IP6K3: variants seen among roughly 807,000 people sequenced by gnomAD.
IP6K3 encodes the protein ATP:1D-myo-inositol-hexakisphosphate phosphotransferase.
IP6K3 carries 20 observed loss-of-function variants against 28.8 expected under a neutral mutation model. The ratio of observed to expected loss-of-function variants is 0.70; its 90% CI spans 0.49 to 1.01. The LOEUF is 1.01. Ranked by LOEUF, IP6K3 falls within the 50% of genes least tolerant of loss-of-function variation. The pLI is 0.00. For missense variants in IP6K3, 480 were observed against 537.1 expected, an observed-to-expected ratio of 0.89 and a Z score of 1.05; for synonymous variants, 213 against 221.3, an observed-to-expected ratio of 0.96 and a Z score of 0.33.
At position 33,744,178 on chromosome 6, in the gene IP6K3, C is replaced by T. The variant is rs941638637; in HGVS notation, c.-180+2580G>A. Among the ~76,000 whole-genome samples the T allele has an allele frequency of 6.6e-6, 1 of 152,236 alleles. No homozygotes were observed. Among genetic ancestry groups the T allele is most frequent in the African/African-American group, 2.4e-5 (1 of 41,470 alleles). On this transcript the variant is annotated intron_variant, in intron 1 of 5. Transcript: ENST00000293756. This position sits in a 1 kb window ranked among gnomAD's most constrained non-coding sequence, Gnocchi z 4.4. ...CAGCCATGGTTAGCAACTGCTTTGA[C>T]AGCCCCTCCCAGCCATGCTTTTCTC...
At chr6:33,731,041 G>A (rs532250606) in intron 2 of IP6K3, among the ~76,000 whole-genome samples, 1 of 152,310 alleles carries the variant, frequency 6.6e-6, no homozygotes, top group African/African-American at 2.4e-5. Context: ...GGGGAAGGAG[G>A]ATTGGAGTGC....
chr6:33,743,715 TCC>T lies in IP6K3; in HGVS notation c.-180+3041_-180+3042del, dbSNP rs576663313. On this transcript the variant is annotated intron_variant, in intron 1 of 5. Transcript: ENST00000293756. ...TGCTGGGGGACTTCACACATCACTTTCCCAGCCGTGGCTGAAATATGTGGCTT... is the reference window on the plus strand; with the variant it reads ...TGCTGGGGGACTTCACACATCACTTTCAGCCGTGGCTGAAATATGTGGCTT... Among the ~76,000 whole-genome samples the T allele has an allele frequency of 2.8e-3, 423 of 152,278 alleles. 3 individuals are homozygous for T. The highest frequency in any genetic ancestry group is 9.1e-3 in the African/African-American group (377 of 41,544).
In IP6K3 at chr6:33,744,795, T is replaced by A. The variant is rs1766847583; in HGVS notation, c.-180+1963A>T. ...AAAAGCTCAGAAGCCATCATTGAGG[T>A]TGGATTCTCCCCATAACGTTCTATA... On this transcript the variant is annotated intron_variant, in intron 1 of 5. Transcript: ENST00000293756. This position sits in a 1 kb window ranked among gnomAD's most constrained non-coding sequence, Gnocchi z 4.4. 6.6e-6 allele frequency among the ~76,000 whole-genome samples: 1 copy of A among 152,184 alleles called. No homozygotes were observed. Among genetic ancestry groups the A allele is most frequent in the Non-Finnish European group, 1.5e-5 (1 of 68,032 alleles).
intron 3 of IP6K3, among the ~76,000 whole-genome samples, chr6:33,727,365 C>T (rs758482969): frequency 6.6e-6 from 1 of 152,116 alleles, no homozygotes; most frequent in Non-Finnish European, 1.5e-5. Flanking sequence ...GGACAGCGGC[C>T]GGCCCTCTTC....
At position 33,744,670 on chromosome 6, in the gene IP6K3, A is replaced by G. The variant is rs543800746; in HGVS notation, c.-180+2088T>C. Among the ~76,000 whole-genome samples, 5 of 152,328 alleles carry G rather than the reference A, an allele frequency of 3.3e-5. No individual in the cohort carries two copies. The East Asian group carries it at 5.8e-4, about 18-fold the overall frequency. Reference sequence around the variant, plus strand: ...TCCTCACCCAGCCACTGGGGGACACATTCTTGGAACTGCCCTAGGTTTGCC... The same window carrying G: ...TCCTCACCCAGCCACTGGGGGACACGTTCTTGGAACTGCCCTAGGTTTGCC... On this transcript the variant is annotated intron_variant, in intron 1 of 5. Coordinates refer to ENST00000293756, the MANE Select transcript of IP6K3 (RefSeq NM_054111.5). The surrounding 1 kb of genome is among the most constrained non-coding windows in gnomAD (Gnocchi z 4.4).
chr6:33,740,553 A>G (rs1201914005), intron 1 of IP6K3, among the ~76,000 whole-genome samples: 2 of 152,228 alleles, frequency 1.3e-5, no homozygotes, highest in African/African-American at 4.8e-5. Context: ...GGTCACTGAC[A>G]GCAGGGCCGT....
intron 1 of IP6K3, among the ~76,000 whole-genome samples, chr6:33,743,060 C>G (rs951451697): frequency 1.3e-5 from 2 of 152,042 alleles, no homozygotes; most frequent in African/African-American, 2.4e-5. Context: ...AGCAGCAGGG[C>G]GTCTGCAGAG....
chr6:33,754,264 G>A, the IP6K3 span, among the ~76,000 whole-genome samples: 2 of 152,080 alleles, frequency 1.3e-5, no homozygotes, highest in Non-Finnish European at 2.9e-5. Context: ...TCAGACGTGG[G>A]TGGTGGGAGC....
chr6:33,747,126 C>G (rs1053039488), upstream of IP6K3, among the ~76,000 whole-genome samples: 1 of 152,120 alleles, frequency 6.6e-6, no homozygotes, highest in Non-Finnish European at 1.5e-5. The surrounding 1 kb of genome is among the most constrained non-coding windows in gnomAD (Gnocchi z 5.2). Flanking sequence ...AGCTCAGCTG[C>G]CCACGTAGAT....
chr6:33,724,259 A>G (rs1313161019), intron 5 of IP6K3, among the ~76,000 whole-genome samples: 1 of 152,250 alleles, frequency 6.6e-6, no homozygotes, highest in Admixed American at 6.5e-5. Flanking sequence ...AGGTCCAGAG[A>G]GAGATTCCAT....
Position 33,735,450 on chromosome 6 carries a change from G to C in IP6K3, c.27C>G (p.Ala9=). MVVQNSAD[A]GDMRAGVQLE... Reference sequence around the variant, plus strand: ...GCTGCACGCCTGCCCTCATGTCCCCGGCGTCTGCGCTGTTTTGCACAACCA... The same window carrying C: ...GCTGCACGCCTGCCCTCATGTCCCCCGCGTCTGCGCTGTTTTGCACAACCA... The change falls in exon 2 of 6, where the codon GCC becomes GCG. Residue 9 remains alanine, a synonymous_variant. Transcript: ENST00000293756. 3 of 1,611,020 alleles carry C rather than the reference G, an allele frequency of 1.9e-6. No individual in the cohort carries two copies.
chr6:33,722,631 A>G lies in IP6K3; in HGVS notation c.*89T>C, dbSNP rs191765027. ...AGGTAGATAGGACTATTATGAAGAC[A>G]TCTAAGGGGTGTCTGGACTACCCTA... On this transcript the variant is annotated 3_prime_UTR_variant, in exon 6 of 6. Transcript: ENST00000293756. The G allele has an allele frequency of 9.6e-4, 802 of 832,948 alleles. 7 individuals carry two copies. In the Admixed American group the frequency reaches 0.016, roughly 17 times the overall value. The allele number at this position is 832,948 out of a possible 1,614,324, so 51.6% of individuals were successfully genotyped here.
chr6:33,747,221 C>T (rs1395129059), upstream of IP6K3, among the ~76,000 whole-genome samples: 2 of 152,128 alleles, frequency 1.3e-5, no homozygotes, highest in African/African-American at 2.4e-5. The surrounding 1 kb of genome is among the most constrained non-coding windows in gnomAD (Gnocchi z 5.2). Flanking sequence ...GGGTGAGTCT[C>T]GGGTTGGGGG....
At chr6:33,761,217 G>C in the IP6K3 span, among the ~76,000 whole-genome samples, 1 of 152,086 alleles carries the variant, frequency 6.6e-6, no homozygotes. Flanking sequence ...AGCATTTCCT[G>C]GGGTGGGAGT....
upstream of IP6K3, among the ~76,000 whole-genome samples, chr6:33,750,127 C>T (rs1038791774): frequency 3.9e-5 from 6 of 152,108 alleles, no homozygotes; most frequent in East Asian, 3.9e-4. This position sits in a 1 kb window ranked among gnomAD's most constrained non-coding sequence, Gnocchi z 4.3. Context: ...ATTTCATGTC[C>T]CAAACATTTC....
intron 2 of IP6K3, among the ~76,000 whole-genome samples, chr6:33,734,222 A>T (rs1044664100): frequency 7.5e-6 from 1 of 133,112 alleles, no homozygotes. Context: ...AAAAAAAAAA[A>T]AAAGAGAATT....
chr6:33,738,741 C>A (rs1223605800), intron 1 of IP6K3, among the ~76,000 whole-genome samples: 2 of 152,204 alleles, frequency 1.3e-5, no homozygotes, highest in African/African-American at 4.8e-5. Context: ...TGTTTATATA[C>A]TTTAAACTTC....
In IP6K3 at chr6:33,735,493, G is replaced by T. The variant is rs1472647276; in HGVS notation, c.-17C>A. 1 of 1,604,368 alleles carries T rather than the reference G, an allele frequency of 6.2e-7. No individual in the cohort carries two copies. Among genetic ancestry groups the T allele is most frequent in the Non-Finnish European group, 8.5e-7 (1 of 1,179,232 alleles). Reference sequence around the variant, plus strand: ...CACAACCATGGCGGCAGATGGTGGTGGTGGGGGGTCCCTGCACAGTCTGCT... The same window carrying T: ...CACAACCATGGCGGCAGATGGTGGTTGTGGGGGGTCCCTGCACAGTCTGCT... On this transcript the variant is annotated 5_prime_UTR_variant, in exon 2 of 6. Coordinates refer to ENST00000293756, the MANE Select transcript of IP6K3 (RefSeq NM_054111.5).
chr6:33,754,968 G>C, the IP6K3 span, among the ~76,000 whole-genome samples: 1 of 152,166 alleles, frequency 6.6e-6, no homozygotes, highest in Non-Finnish European at 1.5e-5. Context: ...TGAGACACAG[G>C]CTTCTGACTC....
Sources: gnomAD v4.1 joint callset for allele counts (sites outside exome capture counted in the v4.1 genomes callset) on GRCh38, gnomAD v4.1.1 for gene constraint, Gnocchi (gnomAD v3.1) non-coding constraint, MANE v1.5 for transcripts, NCBI Gene and HGNC (gene_info 2026-07-23, HGNC 2026-07-21) for gene names.